Variants in TSHZ3 observed in about 807,000 individuals in gnomAD.
TSHZ3 encodes the protein teashirt zinc finger homeobox 3.
TSHZ3 carries 10 observed loss-of-function variants against 64.5 expected under a neutral mutation model. The observed-to-expected ratio is 0.16, with a 90% confidence interval of 0.10 to 0.26. TSHZ3 has a LOEUF of 0.26. Among genes scored for constraint, TSHZ3 ranks in the 10% least tolerant of loss-of-function variants. The probability of loss-of-function intolerance (pLI) is 1.00; values close to 1 mark genes in which losing one functional copy is unlikely to be tolerated. For missense variants in TSHZ3, 1,242 were observed against 1,421.7 expected (o/e 0.87, Z 2.03); for synonymous variants, 608 against 593.1 (o/e 1.03, Z -0.36).
rs563322499 is a variant in TSHZ3, at chr19:31,302,557, ATC to A, written c.41-22807_41-22806del. On this transcript the variant is annotated intron_variant, in intron 1 of 1. Transcript: ENST00000240587. ...TATTCTGAAAGTTTTGTTTTCTAAAATCTGTCTCTTGCCATTCCAAACATACA... is the reference window on the plus strand; with the variant it reads ...TATTCTGAAAGTTTTGTTTTCTAAAATGTCTCTTGCCATTCCAAACATACA... Among the ~76,000 whole-genome samples the A allele has an allele frequency of 9.8e-3, 1,491 of 152,332 alleles. 15 individuals carry two copies. Among genetic ancestry groups the A allele is most frequent in the Non-Finnish European group, 0.016 (1,121 of 68,028 alleles).
At chr19:31,337,387 T>C (rs954131385) in intron 1 of TSHZ3, among the ~76,000 whole-genome samples, 6 of 152,150 alleles carry the variant, frequency 3.9e-5, no homozygotes, top group African/African-American at 1.4e-4. Flanking sequence ...CACCTATTAA[T>C]AGCAAAGTTT....
intron 1 of TSHZ3, among the ~76,000 whole-genome samples, chr19:31,307,283 AT>A (rs59277599): frequency 0.12 from 17,636 of 148,576 alleles, 1,294 homozygotes; most frequent in African/African-American, 0.2. Flanking sequence ...GTACCCCTTC[AT>A]TTTTTTTTTC....
At chr19:31,208,056 C>A (rs1200404879) in intron 4 of TSHZ3, among the ~76,000 whole-genome samples, 1 of 152,154 alleles carries the variant, frequency 6.6e-6, no homozygotes, top group Non-Finnish European at 1.5e-5. Flanking sequence ...ACCCTTAGCA[C>A]CAAGCACAGA....
At position 31,190,217 on chromosome 19, in the gene TSHZ3, C is replaced by T. The variant is rs1404730957; in HGVS notation, n.809+14739G>A. Among the ~76,000 whole-genome samples, 8 of 152,146 alleles carry T rather than the reference C, an allele frequency of 5.3e-5. No homozygotes were observed. In the East Asian group the frequency reaches 1.5e-3, roughly 29 times the overall value. ...GAACTTCACAGGGAAGTAACCCAAG[C>T]AATCTACGTAGATGTTCCCTGGAGT... On this transcript the variant is annotated intron_variant and non_coding_transcript_variant, in intron 5 of 6. Transcript: ENST00000651361.
intron 5 of TSHZ3, among the ~76,000 whole-genome samples, chr19:31,165,975 C>T (rs1193321978): frequency 6.6e-6 from 1 of 152,166 alleles, no homozygotes; most frequent in Non-Finnish European, 1.5e-5. Flanking sequence ...ATGGATAACT[C>T]ACTAACATCT....
At chr19:31,176,801 A>G (rs1312212933) in intron 5 of TSHZ3, among the ~76,000 whole-genome samples, 1 of 152,024 alleles carries the variant, frequency 6.6e-6, no homozygotes, top group South Asian at 2.1e-4. Context: ...AAAAGGAAAT[A>G]CTGAAAAACA....
In TSHZ3 at chr19:31,337,720, A is replaced by AACAC. The variant is rs372251116; in HGVS notation, c.40+11456_40+11459dup. Among the ~76,000 whole-genome samples, 832 of 146,066 alleles carry AACAC rather than the reference A, an allele frequency of 5.7e-3. 11 individuals are homozygous for AACAC. The highest frequency in any genetic ancestry group is 0.05 in the South Asian group (227 of 4,570). ...CTGCGAATAAAGTTATTTCAAAATA[A>AACAC]ACACACACACACACACACACACACA... On this transcript the variant is annotated intron_variant, in intron 1 of 1. Transcript: ENST00000240587.
At chr19:31,232,773 T>C (rs980835261) in intron 3 of TSHZ3, among the ~76,000 whole-genome samples, 5 of 152,206 alleles carry the variant, frequency 3.3e-5, no homozygotes, top group Admixed American at 2.0e-4. Context: ...GATATGTATT[T>C]TTTTCTGTTT....
At chr19:31,299,608 G>A (rs73551353) in intron 1 of TSHZ3, among the ~76,000 whole-genome samples, 7,112 of 152,156 alleles carry the variant, frequency 0.047, 438 homozygotes, top group African/African-American at 0.12. Flanking sequence ...GGGAGAAGTC[G>A]GGCCCTGGGT....
intron 5 of TSHZ3, among the ~76,000 whole-genome samples, chr19:31,194,684 G>C (rs182274255): frequency 6.6e-6 from 1 of 152,146 alleles, no homozygotes. Context: ...CAAGAGAAAA[G>C]TACAAGGCAT....
At chr19:31,235,946 C>T (rs1451953114) in intron 3 of TSHZ3, among the ~76,000 whole-genome samples, 3 of 152,024 alleles carry the variant, frequency 2.0e-5, no homozygotes, top group African/African-American at 7.2e-5. Context: ...CAGTGATCCA[C>T]CCACCTCAGC....
chr19:31,350,190 G>C (rs912877707), upstream of TSHZ3, among the ~76,000 whole-genome samples: 6 of 150,218 alleles, frequency 4.0e-5, no homozygotes, highest in Non-Finnish European at 8.9e-5. Context: ...CAGAGCCCAC[G>C]GGCAGGCCCC....
At chr19:31,341,735 T>C (rs1442693101) in intron 1 of TSHZ3, among the ~76,000 whole-genome samples, 1 of 151,798 alleles carries the variant, frequency 6.6e-6, no homozygotes, top group Non-Finnish European at 1.5e-5. Context: ...CCGAATCCTC[T>C]GCTAGCATTC....
chr19:31,207,102 G>T (rs1409509247), intron 4 of TSHZ3, among the ~76,000 whole-genome samples: 2 of 152,160 alleles, frequency 1.3e-5, no homozygotes, highest in African/African-American at 4.8e-5. Flanking sequence ...TGGAGCAGGC[G>T]AGAGACCATT....
chr19:31,188,912 T>A (rs1358092355), intron 5 of TSHZ3, among the ~76,000 whole-genome samples: 1 of 151,922 alleles, frequency 6.6e-6, no homozygotes, highest in Admixed American at 6.6e-5. Context: ...AATATATGAG[T>A]GCTTTTGATA....
Position 31,275,798 on chromosome 19 carries a change from C to T in TSHZ3, c.*749G>A, listed in dbSNP as rs1440438127. On this transcript the variant is annotated 3_prime_UTR_variant, in exon 2 of 2. Transcript: ENST00000240587. ...GCATGTAAAAAACAAAACCCATAGA[C>T]CTTAAAAAAAAGAAAAAAAGAAATA... The T allele has an allele frequency of 6.6e-6, 1 of 152,200 alleles. No individual in the cohort carries two copies. Among genetic ancestry groups the T allele is most frequent in the Non-Finnish European group, 1.5e-5 (1 of 67,962 alleles). 9.4% of individuals were successfully genotyped at this position (152,200 alleles called of 1,614,324 possible). A position where few individuals can be genotyped will look rare whatever the true frequency, so the allele number is the denominator to read the frequency against.
intron 5 of TSHZ3, among the ~76,000 whole-genome samples, chr19:31,171,614 A>G (rs1974535739): frequency 6.6e-6 from 1 of 152,032 alleles, no homozygotes; most frequent in Non-Finnish European, 1.5e-5. Flanking sequence ...CAAAAAAGAA[A>G]AAAAAAAACC....
chr19:31,284,244 C>G (rs2145121358), intron 1 of TSHZ3, among the ~76,000 whole-genome samples: 1 of 152,014 alleles, frequency 6.6e-6, no homozygotes, highest in East Asian at 1.9e-4. Context: ...GTTGTAACAG[C>G]CTTTGTTAAC....
chr19:31,277,139 G>C lies in TSHZ3; in HGVS notation c.2654C>G (p.Ser885Trp). The C allele has an allele frequency of 6.2e-7, 1 of 1,608,860 alleles. No homozygotes were observed. Among genetic ancestry groups the C allele is most frequent in the Middle Eastern group, 1.7e-4 (1 of 6,038 alleles). Residue 885 changes from serine (S) to tryptophan (W), a missense_variant, in exon 2 of 2, where the codon TCG (serine) becomes TGG (tryptophan). By Grantham distance (177) the Ser-to-Trp change is radical. Transcript: ENST00000240587. This position sits in a 1 kb window ranked among gnomAD's most constrained non-coding sequence, Gnocchi z 4.5. Reference sequence around the variant, plus strand: ...GCCCTTCCTCTTCTGGGCGGGCGTCGACTCCTCAGCCTCCTCCAGAGTGGC... The same window carrying C: ...GCCCTTCCTCTTCTGGGCGGGCGTCCACTCCTCAGCCTCCTCCAGAGTGGC... Reference protein sequence around the residue: ...DGATLEEAEESTPAQKRKGRQ... With the variant: ...DGATLEEAEEWTPAQKRKGRQ...
Sources: gnomAD v4.1 joint callset for allele counts (sites outside exome capture counted in the v4.1 genomes callset) on GRCh38, gnomAD v4.1.1 for gene constraint, Gnocchi (gnomAD v3.1) non-coding constraint, MANE v1.5 for transcripts, NCBI Gene and HGNC (gene_info 2026-07-23, HGNC 2026-07-21) for gene names.